The following HIPK3 variants were observed in gnomAD, a reference collection of about 807,000 sequenced individuals.
HIPK3 encodes the protein homeodomain-interacting protein kinase 3.
A neutral mutation model predicts 124.2 loss-of-function variants in HIPK3; 47 were observed. The ratio of observed to expected loss-of-function variants is 0.38; its 90% CI spans 0.30 to 0.48. The LOEUF (loss-of-function observed/expected upper bound fraction) is 0.48, where lower values mean the gene tolerates loss of function less well. Among genes scored for constraint, HIPK3 ranks in the 20% least tolerant of loss-of-function variants. The pLI, the probability that HIPK3 is intolerant of heterozygous loss-of-function variation, is 0.98. For missense variants in HIPK3, 1,286 were observed against 1,454.3 expected (o/e 0.88, Z 1.88); for synonymous variants, 482 against 515.2 (o/e 0.94, Z 0.87).
At chr11:33,312,100 T>G (rs1486543158) in intron 2 of HIPK3, among the ~76,000 whole-genome samples, 2 of 152,208 alleles carry the variant, frequency 1.3e-5, no homozygotes, top group African/African-American at 4.8e-5. Context: ...CCTCAAGCTA[T>G]CCTTCTGCCT....
At chr11:33,296,643 C>A (rs1851848967) in intron 2 of HIPK3, among the ~76,000 whole-genome samples, 1 of 152,026 alleles carries the variant, frequency 6.6e-6, no homozygotes, top group African/African-American at 2.4e-5. Flanking sequence ...TTACAATGAT[C>A]TTTGAACAGT....
At position 33,287,048 on chromosome 11, in the gene HIPK3, G is replaced by A. The variant is rs369914142; in HGVS notation, c.634G>A (p.Val212Ile). The change falls in exon 2 of 17, where the codon GTT becomes ATT. Residue 212 changes from valine to isoleucine, a missense_variant. Val to Ile is a conservative substitution (Grantham distance 29). Around this residue, in one of 3 missense-constraint regions of HIPK3, gnomAD observed 251 missense variants for 349.1 expected, o/e 0.72. Transcript: ENST00000303296. The part of the protein sequence containing the change: ...FLGRGTFGQV[V>I]KCWKRGTNEI... ...TGGTCGAGGCACGTTTGGCCAGGTAGTTAAATGCTGGAAAAGAGGGACAAA... is the reference window on the plus strand; with the variant it reads ...TGGTCGAGGCACGTTTGGCCAGGTAATTAAATGCTGGAAAAGAGGGACAAA... 2.5e-6 allele frequency: 4 copies of A among 1,614,182 alleles called. No individual in the cohort carries two copies.
intron 2 of HIPK3, among the ~76,000 whole-genome samples, chr11:33,290,585 A>AT (rs1851672104): frequency 6.6e-6 from 1 of 151,232 alleles, no homozygotes. Flanking sequence ...GCATATCAGA[A>AT]TTACCTCATT....
Position 33,291,898 on chromosome 11 carries a change from A to G in HIPK3, c.1097+4387A>G, listed in dbSNP as rs530003666. Among the ~76,000 whole-genome samples, 46 of 152,250 alleles carry G rather than the reference A, an allele frequency of 3.0e-4. 2 individuals carry two copies. The South Asian group carries it at 8.9e-3, about 30-fold the overall frequency. ...TTGCTGTTGAGTTTTAAAAAATGCT[A>G]TTTTGCATGTAATAGTTAACAAAAA... On this transcript the variant is annotated intron_variant, in intron 2 of 16. Transcript: ENST00000303296.
At chr11:33,337,044 A>G (rs780552234) in intron 3 of HIPK3, 31 bp from the exon 4 acceptor site, 2 of 1,538,312 alleles carry the variant, frequency 1.3e-6, no homozygotes, top group East Asian at 2.3e-5. Flanking sequence ...ATGAAAGAAT[A>G]AACTATTCTG....
chr11:33,328,703 T>C, intron 3 of HIPK3, 70 bp downstream of exon 3: 1 of 1,402,826 alleles, frequency 7.1e-7, no homozygotes, highest in South Asian at 1.2e-5. Flanking sequence ...CAGGAACACA[T>C]GGCTGCAGGT....
intron 8 of HIPK3, among the ~76,000 whole-genome samples, chr11:33,343,247 TTGTGTGTG>T (rs3884092): frequency 0.015 from 2,138 of 141,480 alleles, 27 homozygotes; most frequent in South Asian, 0.029. Flanking sequence ...TTATTTGATT[TTGTGTGTG>T]TGTGTGTGTG....
At chr11:33,319,740 G>A (rs1480314602) in intron 2 of HIPK3, among the ~76,000 whole-genome samples, 1 of 152,168 alleles carries the variant, frequency 6.6e-6, no homozygotes, top group East Asian at 1.9e-4. Flanking sequence ...ATAATGAAGT[G>A]TTTTATGTGT....
At chr11:33,317,406 A>G (rs1852537582) in intron 2 of HIPK3, among the ~76,000 whole-genome samples, 2 of 151,146 alleles carry the variant, frequency 1.3e-5, no homozygotes, top group South Asian at 4.2e-4. Flanking sequence ...GACCACAGGC[A>G]CACACCACCA....
At chr11:33,351,878 T>C (rs746176847) in intron 15 of HIPK3, 35 bp downstream of exon 15, 5 of 1,514,314 alleles carry the variant, frequency 3.3e-6, no homozygotes, top group Non-Finnish European at 3.6e-6. Context: ...TGGTTGTCCT[T>C]TAAATACGGT....
intron 4 of HIPK3, among the ~76,000 whole-genome samples, chr11:33,337,667 T>C (rs1343346408): frequency 6.6e-6 from 1 of 151,096 alleles, no homozygotes; most frequent in Non-Finnish European, 1.5e-5. Flanking sequence ...CGTCCTTCTC[T>C]CTCTCTTTCT....
chr11:33,258,513 C>T, intron 1 of HIPK3: 6 of 985,510 alleles, frequency 6.1e-6, no homozygotes, highest in Non-Finnish European at 4.8e-6. Context: ...TCCGCGGCTC[C>T]GCGTCCCCAG....
chr11:33,259,363 T>C (rs1850762553), intron 1 of HIPK3, among the ~76,000 whole-genome samples: 1 of 152,224 alleles, frequency 6.6e-6, no homozygotes, highest in South Asian at 2.1e-4. Context: ...AGATTCTGCT[T>C]ATGTTTGCAA....
rs989905292 is a variant in HIPK3, at chr11:33,257,505, A to G, written c.-387A>G. The G allele has an allele frequency of 2.0e-6, 2 of 985,728 alleles. No individual in the cohort carries two copies. The highest frequency in any genetic ancestry group is 6.1e-5 in the Admixed American group (1 of 16,264). 61.1% of individuals were successfully genotyped at this position (985,728 alleles called of 1,614,324 possible). A position where few individuals can be genotyped will look rare whatever the true frequency, so the allele number is the denominator to read the frequency against. Reference sequence around the variant, plus strand: ...TCCGCTCCCGGCCGGGGCGTCAGGAATGGGCCCCAATCGCCGTGGGCCCCG... The same window carrying G: ...TCCGCTCCCGGCCGGGGCGTCAGGAGTGGGCCCCAATCGCCGTGGGCCCCG... On this transcript the variant is annotated 5_prime_UTR_variant, in exon 1 of 17. It removes an upstream start codon present in the reference 5' UTR. Transcript: ENST00000303296.
intron 2 of HIPK3, among the ~76,000 whole-genome samples, chr11:33,313,645 G>A (rs909343981): frequency 6.6e-6 from 1 of 151,880 alleles, no homozygotes; most frequent in African/African-American, 2.4e-5. Context: ...ATGTCAACAT[G>A]ATCAGTTATA....
chr11:33,349,098 A>G, intron 13 of HIPK3, 49 bp from the exon 14 acceptor site: 1 of 1,553,806 alleles, frequency 6.4e-7, no homozygotes, highest in Non-Finnish European at 8.8e-7. Flanking sequence ...CTATTTGGAG[A>G]GTATCTTCTT....
chr11:33,351,996 C>A, intron 15 of HIPK3, 142 bp from the exon 16 acceptor site: 1 of 1,024,850 alleles, frequency 9.8e-7, no homozygotes, highest in Non-Finnish European at 1.4e-6. Context: ...TTATCCAGTG[C>A]TTGGAAACCA....
At chr11:33,256,700 C>T, upstream of HIPK3, 1 of 983,946 alleles carries the variant, frequency 1.0e-6, no homozygotes, top group Non-Finnish European at 1.2e-6. Context: ...AGGAAAGAAA[C>T]TAGTCTTTGG....
At position 33,317,746 on chromosome 11, in the gene HIPK3, A is replaced by G. The variant is rs184528615; in HGVS notation, c.1098-10764A>G. On this transcript the variant is annotated intron_variant, in intron 2 of 16. Coordinates refer to ENST00000303296, the MANE Select transcript of HIPK3 (RefSeq NM_005734.5). The stretch of plus-strand genomic sequence containing the variant: ...ACTTGTTTATCTATGCCTGCATTTT[A>G]TAACCACTTTAGGTCTTTGCTGTCT... Among the ~76,000 whole-genome samples, 142 of 152,312 alleles carry G rather than the reference A, an allele frequency of 9.3e-4. 1 individual carries two copies. Among genetic ancestry groups the G allele is most frequent in the African/African-American group, 3.2e-3 (135 of 41,562 alleles).
Sources: gnomAD v4.1 joint callset for allele counts (sites outside exome capture counted in the v4.1 genomes callset) on GRCh38, gnomAD v4.1.1 for gene constraint, gnomAD v4.1.1 regional missense constraint, MANE v1.5 for transcripts, NCBI Gene and HGNC (gene_info 2026-07-23, HGNC 2026-07-21) for gene names.